The following ANK3 variants were observed in gnomAD, a reference collection of about 807,000 sequenced individuals.
The protein encoded by ANK3 is ankyrin-3.
ANK3 carries 57 observed loss-of-function variants against 370.9 expected under a neutral mutation model. That is an observed-to-expected ratio of 0.15 (90% CI 0.12 to 0.19). ANK3 has a LOEUF of 0.19. Ranked by LOEUF, ANK3 falls within the 10% of genes least tolerant of loss-of-function variation. The pLI, the probability that ANK3 is intolerant of heterozygous loss-of-function variation, is 1.00. For missense variants in ANK3, 4,439 were observed against 5,302.1 expected, an observed-to-expected ratio of 0.84 and a Z score of 5.06; for synonymous variants, 1,929 against 1,946.3, an observed-to-expected ratio of 0.99 and a Z score of 0.23.
intron 1 of ANK3, among the ~76,000 whole-genome samples, chr10:60,663,000 C>T (rs993929162): frequency 6.6e-6 from 1 of 152,158 alleles, no homozygotes; most frequent in Non-Finnish European, 1.5e-5. Context: ...GAAGAGCAAA[C>T]TACTTGAGGA....
At chr10:60,350,055 A>G (rs1311202407) in intron 1 of ANK3, among the ~76,000 whole-genome samples, 2 of 152,224 alleles carry the variant, frequency 1.3e-5, no homozygotes, top group African/African-American at 4.8e-5. Flanking sequence ...GGCCTCATTT[A>G]TTCAGCACTT....
chr10:60,622,937 G>A (rs1429690542), intron 1 of ANK3, among the ~76,000 whole-genome samples: 2 of 152,182 alleles, frequency 1.3e-5, no homozygotes, highest in East Asian at 3.9e-4. Context: ...ACGTGCTCAA[G>A]TGAATTCAGT....
chr10:60,165,906 ATTTAC>A (rs769245833), intron 23 of ANK3, among the ~76,000 whole-genome samples: 3 of 152,188 alleles, frequency 2.0e-5, no homozygotes, highest in Non-Finnish European at 4.4e-5. Flanking sequence ...TCAGTACAAT[ATTTAC>A]TCACTATAAA....
intron 1 of ANK3, among the ~76,000 whole-genome samples, chr10:60,712,469 C>T (rs1215932907): frequency 6.6e-6 from 1 of 151,812 alleles, no homozygotes; most frequent in African/African-American, 2.4e-5. Context: ...CCTAGGGAAA[C>T]CACCAAAATA....
intron 8 of ANK3, among the ~76,000 whole-genome samples, chr10:60,227,472 A>T (rs1256823052): frequency 2.6e-5 from 4 of 152,032 alleles, no homozygotes; most frequent in Non-Finnish European, 4.4e-5. Flanking sequence ...GCAGTTTATG[A>T]TCAAATTTGG....
In ANK3 at chr10:60,480,519, CA is replaced by C. The variant is rs986891739; in HGVS notation, c.96+134666del. ...ACAAAACTGATTGTTGGTCAATTTC[CA>C]AAAAAAAAATCAAGTCAATATATTT... On this transcript the variant is annotated intron_variant, in intron 2 of 43. Transcript: ENST00000373827. 8.8e-5 allele frequency among the ~76,000 whole-genome samples: 13 copies of C among 147,720 alleles called. No individual in the cohort carries two copies. The East Asian group carries it at 1.4e-3, about 16-fold the overall frequency.
intron 2 of ANK3, among the ~76,000 whole-genome samples, chr10:60,430,940 T>C (rs1358740230): frequency 6.6e-6 from 1 of 152,166 alleles, no homozygotes; most frequent in Non-Finnish European, 1.5e-5. Flanking sequence ...TATAAGTTTG[T>C]TTTGAGGATT....
intron 5 of ANK3, among the ~76,000 whole-genome samples, chr10:60,268,396 A>G (rs985357637): frequency 2.5e-4 from 38 of 152,176 alleles, no homozygotes; most frequent in African/African-American, 7.7e-4. Context: ...ACATTTTCCT[A>G]TATCAGTACA....
chr10:60,333,704 T>C (rs2052042317), intron 1 of ANK3, among the ~76,000 whole-genome samples: 1 of 152,196 alleles, frequency 6.6e-6, no homozygotes, highest in African/African-American at 2.4e-5. Context: ...TAGTTCTAGA[T>C]CCTTGAGGAA....
chr10:60,652,463 T>G (rs2078802312), intron 1 of ANK3, among the ~76,000 whole-genome samples: 1 of 151,590 alleles, frequency 6.6e-6, no homozygotes, highest in African/African-American at 2.4e-5. Context: ...ATAAAGAACT[T>G]GAAAAAGGTC....
chr10:60,089,110 C>T (rs866609236), intron 28 of ANK3, among the ~76,000 whole-genome samples: 8 of 152,176 alleles, frequency 5.3e-5, no homozygotes, highest in Admixed American at 3.3e-4. Flanking sequence ...TTAAAGTTAT[C>T]CAAATGTTTA....
intron 1 of ANK3, among the ~76,000 whole-genome samples, chr10:60,306,897 T>C (rs2045259628): frequency 6.6e-6 from 1 of 152,190 alleles, no homozygotes; most frequent in African/African-American, 2.4e-5. Flanking sequence ...CACATCCATC[T>C]AATTTTTGAA....
At chr10:60,444,930 C>T (rs7085714) in intron 2 of ANK3, among the ~76,000 whole-genome samples, 148,990 of 152,218 alleles carry the variant, frequency 0.98, 72,994 homozygotes, top group Middle Eastern at 1. Context: ...TTTAATTGTT[C>T]TAAAAATGAA....
At chr10:60,531,556 A>C (rs2076606774) in intron 2 of ANK3, among the ~76,000 whole-genome samples, 1 of 152,040 alleles carries the variant, frequency 6.6e-6, no homozygotes, top group East Asian at 1.9e-4. Context: ...TATTCACATA[A>C]TTAAAAGTTA....
chr10:60,108,707 A>G (rs980710564), intron 27 of ANK3, 123 bp downstream of exon 27: 11 of 788,924 alleles, frequency 1.4e-5, no homozygotes, highest in African/African-American at 1.0e-4. Flanking sequence ...GACACTTTAC[A>G]AAAAGTATAC....
At chr10:60,629,402 C>G (rs1361328944) in intron 1 of ANK3, among the ~76,000 whole-genome samples, 1 of 152,080 alleles carries the variant, frequency 6.6e-6, no homozygotes, top group Non-Finnish European at 1.5e-5. Context: ...AGTTAGCTAT[C>G]AAAATATTAT....
intron 1 of ANK3, among the ~76,000 whole-genome samples, chr10:60,617,509 G>C (rs189032065): frequency 3.0e-4 from 46 of 152,252 alleles, no homozygotes; most frequent in African/African-American, 1.1e-3. Flanking sequence ...GGCAAGTCTA[G>C]CTTGTCAATA....
chr10:60,569,302 C>G (rs1054722944), intron 2 of ANK3, among the ~76,000 whole-genome samples: 1 of 152,062 alleles, frequency 6.6e-6, no homozygotes, highest in South Asian at 2.1e-4. Flanking sequence ...AAAATACGGT[C>G]TTATTGATTA....
intron 2 of ANK3, among the ~76,000 whole-genome samples, chr10:60,483,770 A>G (rs1425992693): frequency 1.3e-5 from 2 of 152,150 alleles, no homozygotes; most frequent in Non-Finnish European, 2.9e-5. Context: ...TGTCAGCTAC[A>G]CACTCCACGT....
Sources: gnomAD v4.1 joint callset for allele counts (sites outside exome capture counted in the v4.1 genomes callset) on GRCh38, gnomAD v4.1.1 for gene constraint, MANE v1.5 for transcripts, NCBI Gene and HGNC (gene_info 2026-07-23, HGNC 2026-07-21) for gene names.